Variants in THSD7B observed in about 807,000 individuals in gnomAD.
The protein encoded by THSD7B is thrombospondin type 1 domain containing 7B, also known as thrombospondin type-1 domain-containing protein 7B.
In THSD7B, 138 loss-of-function variants were observed where a neutral mutation model predicts 213.6. The observed-to-expected ratio is 0.65, with a 90% CI of 0.56 to 0.74. The LOEUF is 0.74. THSD7B is among the 30% of genes least tolerant of loss of function. The pLI is 0.00. For missense variants in THSD7B, 1,931 were observed against 1,991.5 expected (o/e 0.97, Z 0.58); for synonymous variants, 742 against 687.0 (o/e 1.08, Z -1.25).
intron 12 of THSD7B, among the ~76,000 whole-genome samples, chr2:137,280,637 T>A (rs2104816830): frequency 6.6e-6 from 1 of 152,296 alleles, no homozygotes; most frequent in East Asian, 1.9e-4. Context: ...ATTGTCCTAG[T>A]TGTCTCATAC....
In THSD7B at chr2:137,043,414, T is replaced by C. The variant is rs374950189; in HGVS notation, c.140-13006T>C. Among the ~76,000 whole-genome samples, 70 of 152,232 alleles carry C rather than the reference T, an allele frequency of 4.6e-4. 1 individual carries two copies. The highest frequency in any genetic ancestry group is 1.7e-3 in the African/African-American group (70 of 41,548). On this transcript the variant is annotated intron_variant, in intron 2 of 27. Coordinates refer to ENST00000409968, the MANE Select transcript of THSD7B (RefSeq NM_001316349.2). ...TTTCCACTGTGCTCAACCTGAGTCC[T>C]AGGTGTTTCTCAGTGACCTCGGCCT...
intron 15 of THSD7B, among the ~76,000 whole-genome samples, chr2:137,543,220 T>C (rs563650394): frequency 1.2e-3 from 184 of 151,924 alleles, no homozygotes; most frequent in South Asian, 3.9e-3. Flanking sequence ...TAAAATAATA[T>C]AGGACAATCT....
At chr2:137,249,814 A>T (rs1405055325) in intron 10 of THSD7B, among the ~76,000 whole-genome samples, 2 of 152,240 alleles carry the variant, frequency 1.3e-5, no homozygotes, top group East Asian at 3.8e-4. Flanking sequence ...ATAGGCACAG[A>T]TAGTCTTTCT....
intron 12 of THSD7B, among the ~76,000 whole-genome samples, chr2:137,285,891 G>T (rs1408827280): frequency 6.6e-6 from 1 of 151,828 alleles, no homozygotes; most frequent in Non-Finnish European, 1.5e-5. Flanking sequence ...ATCACCTGAG[G>T]TCAGGAGTTC....
At position 137,625,533 on chromosome 2, in the gene THSD7B, C is replaced by G. The variant is rs1374269785; in HGVS notation, c.3799+4807C>G. Among the ~76,000 whole-genome samples, 6 of 151,676 alleles carry G rather than the reference C, an allele frequency of 4.0e-5. No individual in the cohort carries two copies. The East Asian group carries it at 1.2e-3, about 29-fold the overall frequency. ...ATAAATGACAGGGCCCAGGAAAGTACAAAACATAGCAGGACAGGCATGAAA... is the reference window on the plus strand; with the variant it reads ...ATAAATGACAGGGCCCAGGAAAGTAGAAAACATAGCAGGACAGGCATGAAA... On this transcript the variant is annotated intron_variant, in intron 20 of 27. Transcript: ENST00000409968.
At chr2:137,597,802 T>G (rs945128784) in intron 17 of THSD7B, among the ~76,000 whole-genome samples, 2 of 152,174 alleles carry the variant, frequency 1.3e-5, no homozygotes, top group South Asian at 2.1e-4. Context: ...ATTTTAGTGG[T>G]TACCATTTAA....
chr2:136,872,557 CCTTTT>C lies in THSD7B; in HGVS notation c.-35-9578_-35-9574del, dbSNP rs997507433. 9.3e-5 allele frequency among the ~76,000 whole-genome samples: 14 copies of C among 150,794 alleles called. No homozygotes were observed. In the South Asian group the frequency reaches 1.3e-3, roughly 14 times the overall value. ...TTCTTTTCTCTTTTTCTTTTCTTTTCCTTTTCTTTTCTTCTTTCTCTTTCTTTTTC... is the reference window on the plus strand; with the variant it reads ...TTCTTTTCTCTTTTTCTTTTCTTTTCCTTTTCTTCTTTCTCTTTCTTTTTC... On this transcript the variant is annotated intron_variant, in intron 1 of 27. Transcript: ENST00000409968.
intron 1 of THSD7B, among the ~76,000 whole-genome samples, chr2:136,830,492 A>G (rs377552976): frequency 1.3e-5 from 2 of 152,128 alleles, no homozygotes; most frequent in Non-Finnish European, 2.9e-5. Context: ...TCAGTTTACT[A>G]CACAGATAGT....
At chr2:137,383,610 G>A (rs1299520356) in intron 12 of THSD7B, among the ~76,000 whole-genome samples, 3 of 152,188 alleles carry the variant, frequency 2.0e-5, no homozygotes, top group Non-Finnish European at 4.4e-5. Flanking sequence ...CATTTGAGGT[G>A]CATTAGGTGA....
chr2:136,780,200 A>T (rs998552822), intron 1 of THSD7B, among the ~76,000 whole-genome samples: 6 of 152,188 alleles, frequency 3.9e-5, no homozygotes, highest in African/African-American at 1.4e-4. Flanking sequence ...GGCATTGGCA[A>T]GTTCCTTTGG....
chr2:137,065,726 T>C (rs1687362355), intron 3 of THSD7B, among the ~76,000 whole-genome samples: 1 of 152,098 alleles, frequency 6.6e-6, no homozygotes, highest in African/African-American at 2.4e-5. Flanking sequence ...TTTTTTATGG[T>C]TTTATTAGAA....
intron 2 of THSD7B, among the ~76,000 whole-genome samples, chr2:137,049,449 A>G (rs940181745): frequency 6.6e-6 from 1 of 152,234 alleles, no homozygotes; most frequent in African/African-American, 2.4e-5. Context: ...TCATGCATTG[A>G]TGTCCTCAAT....
At chr2:137,497,846 G>A (rs1350420599) in intron 15 of THSD7B, among the ~76,000 whole-genome samples, 1 of 152,116 alleles carries the variant, frequency 6.6e-6, no homozygotes, top group Non-Finnish European at 1.5e-5. Flanking sequence ...AACTTTAAGA[G>A]GGTAAACTAA....
intron 1 of THSD7B, among the ~76,000 whole-genome samples, chr2:136,814,591 G>A (rs1021989580): frequency 4.4e-4 from 67 of 152,140 alleles, no homozygotes; most frequent in Middle Eastern, 3.4e-3. Context: ...GTAGAGACGG[G>A]GTTTCACCGT....
chr2:137,534,197 A>G (rs1419364979), intron 15 of THSD7B, among the ~76,000 whole-genome samples: 2 of 151,722 alleles, frequency 1.3e-5, no homozygotes, highest in Non-Finnish European at 2.9e-5. Flanking sequence ...AAATAGAAAT[A>G]GTTATCTCTT....
chr2:136,925,641 G>C (rs1684510633), intron 2 of THSD7B, among the ~76,000 whole-genome samples: 1 of 152,000 alleles, frequency 6.6e-6, no homozygotes, highest in African/African-American at 2.4e-5. Flanking sequence ...TTCTTTTCTT[G>C]CTGTGCCTTC....
chr2:136,862,157 G>A (rs1016623845), intron 1 of THSD7B, among the ~76,000 whole-genome samples: 3 of 152,198 alleles, frequency 2.0e-5, no homozygotes, highest in Non-Finnish European at 4.4e-5. Context: ...CCCATTAGGG[G>A]TGGGACTGTA....
At chr2:137,338,659 A>G (rs1251490888) in intron 12 of THSD7B, among the ~76,000 whole-genome samples, 1 of 152,146 alleles carries the variant, frequency 6.6e-6, no homozygotes, top group African/African-American at 2.4e-5. Context: ...AATTAACAAT[A>G]TTAATTAAAT....
chr2:137,254,088 C>T (rs575467346), intron 10 of THSD7B, among the ~76,000 whole-genome samples: 1 of 152,222 alleles, frequency 6.6e-6, no homozygotes, highest in East Asian at 1.9e-4. Context: ...AGACAAACAA[C>T]TTTTAAGTGT....
Sources: allele counts gnomAD v4.1 joint callset (sites outside exome capture counted in the v4.1 genomes callset), GRCh38; gene constraint gnomAD v4.1.1; transcripts MANE v1.5; gene names NCBI Gene and HGNC (gene_info 2026-07-23, HGNC 2026-07-21).